The following OTOG variants were observed in gnomAD, a reference collection of about 807,000 sequenced individuals.
The protein encoded by OTOG is otogelin.
In OTOG, 296 loss-of-function variants were observed where a neutral mutation model predicts 313.8. The observed-to-expected ratio is 0.94, with a 90% CI of 0.86 to 1.04. The LOEUF (loss-of-function observed/expected upper bound fraction) is 1.04. OTOG is among the 50% of genes least tolerant of loss of function. OTOG has a pLI of 0.00. For synonymous variants in OTOG, 1,533 were observed against 1,554.9 expected (o/e 0.99, Z 0.33); for missense variants, 3,948 against 3,840.1 (o/e 1.03, Z -0.74).
At chr11:17,591,872 C>A (rs914934495) in intron 25 of OTOG, among the ~76,000 whole-genome samples, 1 of 152,244 alleles carries the variant, frequency 6.6e-6, no homozygotes, top group South Asian at 2.1e-4. Context: ...GCTTTTTGAG[C>A]TTTATTATGT....
At position 17,641,953 on chromosome 11, in the gene OTOG, T is replaced by C; in HGVS notation, c.8295+2T>C. 1 of 1,549,798 alleles carries C rather than the reference T, an allele frequency of 6.5e-7. No homozygotes were observed. Among genetic ancestry groups the C allele is most frequent in the Non-Finnish European group, 8.7e-7 (1 of 1,146,522 alleles). Reference sequence around the variant, plus strand: ...AATGGCACCACCTCCCTGTTCTTGGTAAGCAGCCCCCTCGCTGCCCACTTA... The same window carrying C: ...AATGGCACCACCTCCCTGTTCTTGGCAAGCAGCCCCCTCGCTGCCCACTTA... On this transcript the variant is annotated splice_donor_variant, in intron 52 of 55. Coordinates refer to ENST00000399397, the MANE Select transcript of OTOG (RefSeq NM_001292063.2). LOFTEE classifies it high-confidence loss of function.
intron 6 of OTOG, 36 bp downstream of exon 6, chr11:17,553,555 T>C: frequency 2.8e-6 from 4 of 1,404,778 alleles, no homozygotes; most frequent in Non-Finnish European, 2.8e-6. Context: ...CCAGGAATGC[T>C]TCTCTAGGCC....
intron 23 of OTOG, among the ~76,000 whole-genome samples, chr11:17,584,283 A>C (rs1236855325): frequency 6.6e-6 from 1 of 152,138 alleles, no homozygotes; most frequent in Admixed American, 6.5e-5. Flanking sequence ...TTAAATTTTT[A>C]CATCTCCCAT....
At chr11:17,608,448 G>C (rs1434895752) in intron 34 of OTOG, 35 bp downstream of exon 34, 1 of 1,409,898 alleles carries the variant, frequency 7.1e-7, no homozygotes, top group Non-Finnish European at 9.6e-7. Context: ...TGGAGCCAAG[G>C]TGTGTGCACT....
Position 17,595,987 on chromosome 11 carries a change from A to T in OTOG, c.3409-51A>T, listed in dbSNP as rs1853089680. 3 of 1,287,662 alleles carry T rather than the reference A, an allele frequency of 2.3e-6. No homozygotes were observed. The African/African-American group carries it at 4.4e-5, about 19-fold the overall frequency. 79.8% of individuals were successfully genotyped at this position (1,287,662 alleles called of 1,614,324 possible). A position where few individuals can be genotyped will look rare whatever the true frequency, so the allele number is the denominator to read the frequency against. On this transcript the variant is annotated intron_variant, in intron 28 of 55. Coordinates refer to ENST00000399397, the MANE Select transcript of OTOG (RefSeq NM_001292063.2). ...CTAAAATCTGTCTGTCATGTCAGGC[A>T]ACAGGCATTTGGCAAGTAGGGAGGT...
At chr11:17,575,841 G>A (rs1852510726) in intron 20 of OTOG, among the ~76,000 whole-genome samples, 1 of 152,156 alleles carries the variant, frequency 6.6e-6, no homozygotes, top group Non-Finnish European at 1.5e-5. Flanking sequence ...TATATAGAGA[G>A]GGAGGTGGTT....
intron 23 of OTOG, among the ~76,000 whole-genome samples, chr11:17,579,003 C>G (rs16934414): frequency 4.5e-4 from 68 of 152,352 alleles, no homozygotes; most frequent in African/African-American, 1.6e-3. Flanking sequence ...AGAAAACTGT[C>G]TCATTCCCAG....
chr11:17,556,058 T>C (rs1035840935), intron 7 of OTOG, among the ~76,000 whole-genome samples, 161 bp downstream of exon 7: 4 of 152,232 alleles, frequency 2.6e-5, no homozygotes, highest in Admixed American at 1.3e-4. Flanking sequence ...TCACTGGGTT[T>C]CTTGCCAGTG....
At chr11:17,615,630 C>T (rs943260673) in intron 39 of OTOG, among the ~76,000 whole-genome samples, 2 of 152,090 alleles carry the variant, frequency 1.3e-5, no homozygotes, top group Non-Finnish European at 2.9e-5. Context: ...GTCTTTGAAC[C>T]TTTATTTAAA....
At chr11:17,638,915 G>T (rs1478751337) in intron 48 of OTOG, 2 of 595,570 alleles carry the variant, frequency 3.4e-6, no homozygotes, top group East Asian at 6.2e-5. Context: ...GGCCAAGACG[G>T]TGAAACCCTG....
chr11:17,573,027 C>A, intron 18 of OTOG, 51 bp from the exon 19 acceptor site: 1 of 1,459,674 alleles, frequency 6.9e-7, no homozygotes. Context: ...TCCTGGGACA[C>A]CAGGTAGACC....
Position 17,611,233 on chromosome 11 carries a change from G to T in OTOG, c.5933G>T (p.Ser1978Ile), listed in dbSNP as rs761912413. ...TCAGCCAGGACGGCCCCCCAAGACA[G>T]CATGCTGGTTCTGTTGCCTCAGCTG... Reference protein sequence around the residue: ...RVSARTAPQDSMLVLLPQLAE... With the variant: ...RVSARTAPQDIMLVLLPQLAE... Residue 1978 changes from serine (S) to isoleucine (I), a missense_variant, in exon 36 of 56, where the codon AGC (serine) becomes ATC (isoleucine). Coordinates refer to ENST00000399397, the MANE Select transcript of OTOG (RefSeq NM_001292063.2). 90 of 1,550,430 alleles carry T rather than the reference G, an allele frequency of 5.8e-5. No homozygotes were observed. The highest frequency in any genetic ancestry group is 7.7e-5 in the Non-Finnish European group (88 of 1,146,998).
chr11:17,608,459 A>C (rs1206329912), intron 34 of OTOG, 46 bp downstream of exon 34: 2 of 1,304,034 alleles, frequency 1.5e-6, no homozygotes, highest in South Asian at 1.5e-5. Flanking sequence ...TGTGTGCACT[A>C]GTGTGTGTGT....
intron 24 of OTOG, 83 bp downstream of exon 24, chr11:17,586,664 C>A: frequency 1.6e-6 from 1 of 636,858 alleles, no homozygotes; most frequent in Non-Finnish European, 2.4e-6. Context: ...TATAGTCTAG[C>A]ATTCCCATTT....
chr11:17,577,229 G>A (rs995694549), intron 22 of OTOG, among the ~76,000 whole-genome samples: 1 of 152,192 alleles, frequency 6.6e-6, no homozygotes, highest in African/African-American at 2.4e-5. Context: ...TTTGGGTCCT[G>A]ATGTTTTCTG....
chr11:17,627,519 A>C (rs1051929340), intron 39 of OTOG, among the ~76,000 whole-genome samples: 3 of 152,096 alleles, frequency 2.0e-5, no homozygotes, highest in African/African-American at 7.2e-5. Context: ...GGATTTTTGC[A>C]TCAATATTTT....
chr11:17,563,645 T>G (rs192759507), intron 15 of OTOG, among the ~76,000 whole-genome samples: 36 of 151,958 alleles, frequency 2.4e-4, no homozygotes, highest in African/African-American at 8.2e-4. Flanking sequence ...TACAGAATCC[T>G]GGGGGCTATT....
At chr11:17,613,813 G>T in intron 39 of OTOG, 112 bp downstream of exon 39, 1 of 825,710 alleles carries the variant, frequency 1.2e-6, no homozygotes. Context: ...GCAGGGGTGG[G>T]GAGGGGACCT....
rs558400035 is a variant in OTOG at position 17,623,691 on chromosome 11, G to A, written c.6529-5442G>A. On this transcript the variant is annotated intron_variant, in intron 39 of 55. Transcript: ENST00000399397. Reference sequence around the variant, plus strand: ...AATGGGATTGCTGGGTCAAATGGTAGTTGTGTTTTTAGGTCTTTGAGGAAT... The same window carrying A: ...AATGGGATTGCTGGGTCAAATGGTAATTGTGTTTTTAGGTCTTTGAGGAAT... 5.9e-5 allele frequency among the ~76,000 whole-genome samples: 9 copies of A among 152,220 alleles called. No individual in the cohort carries two copies. In the East Asian group the frequency reaches 1.5e-3, roughly 26 times the overall value.
Sources: allele counts gnomAD v4.1 joint callset (sites outside exome capture counted in the v4.1 genomes callset), GRCh38; gene constraint gnomAD v4.1.1; transcripts MANE v1.5; gene names NCBI Gene and HGNC (gene_info 2026-07-23, HGNC 2026-07-21).